Variants in METTL8 observed in about 807,000 individuals in gnomAD.
The protein encoded by METTL8 is methyltransferase 8, tRNA N3-cytidine, also known as tRNA N(3)-cytidine methyltransferase METTL8, mitochondrial.
In METTL8, 32 loss-of-function variants were observed where a neutral mutation model predicts 48.7. The ratio of observed to expected loss-of-function variants is 0.66; its 90% CI spans 0.50 to 0.88. METTL8 has a LOEUF of 0.88. Ranked by LOEUF, METTL8 falls within the 40% of genes least tolerant of loss-of-function variation. The pLI is 0.00. For missense variants in METTL8, 464 were observed against 474.4 expected (o/e 0.98, Z 0.20); for synonymous variants, 136 against 157.1 (o/e 0.87, Z 1.01).
At chr2:171,379,980 A>T (rs187426414) in intron 2 of METTL8, among the ~76,000 whole-genome samples, 133 of 152,322 alleles carry the variant, frequency 8.7e-4, no homozygotes, top group African/African-American at 3.0e-3. Context: ...TCCCTGATGA[A>T]CATTGATGCA....
At chr2:171,339,076 A>G in intron 4 of METTL8, 108 bp downstream of exon 4, 2 of 931,508 alleles carry the variant, frequency 2.1e-6, no homozygotes, top group South Asian at 3.2e-5. Flanking sequence ...GCTTATTTAC[A>G]TTTGATAGTT....
intron 5 of METTL8, among the ~76,000 whole-genome samples, chr2:171,333,740 A>G (rs1407349620): frequency 6.6e-6 from 1 of 152,204 alleles, no homozygotes; most frequent in Non-Finnish European, 1.5e-5. Context: ...TATGTGGCTA[A>G]TGGTTAAGGG....
At chr2:171,376,150 A>G (rs533220784) in intron 2 of METTL8, among the ~76,000 whole-genome samples, 1 of 152,284 alleles carries the variant, frequency 6.6e-6, no homozygotes, top group Admixed American at 6.5e-5. Context: ...ATCTCTTCCA[A>G]CTGGGCTGGT....
chr2:171,430,503 T>A (rs1232020119), intron 1 of METTL8, among the ~76,000 whole-genome samples: 1 of 152,126 alleles, frequency 6.6e-6, no homozygotes, highest in Non-Finnish European at 1.5e-5. Flanking sequence ...AACTGCACGT[T>A]CTACACATGT....
At chr2:171,355,901 A>G (rs1185675400) in intron 3 of METTL8, among the ~76,000 whole-genome samples, 1 of 152,052 alleles carries the variant, frequency 6.6e-6, no homozygotes, top group Non-Finnish European at 1.5e-5. Flanking sequence ...GAATTCCCGG[A>G]ACCCTTGCGC....
intron 3 of METTL8, among the ~76,000 whole-genome samples, chr2:171,345,981 T>C (rs1193125664): frequency 6.6e-6 from 1 of 152,218 alleles, no homozygotes; most frequent in Non-Finnish European, 1.5e-5. Context: ...ATCATTAATC[T>C]GGGCAATCTT....
intron 3 of METTL8, among the ~76,000 whole-genome samples, chr2:171,346,980 G>C (rs1463549601): frequency 6.6e-6 from 1 of 152,122 alleles, no homozygotes; most frequent in African/African-American, 2.4e-5. Context: ...CCACCCTCCG[G>C]GTAGCCTCAG....
At chr2:171,426,561 T>C (rs1279757478) in intron 1 of METTL8, among the ~76,000 whole-genome samples, 1 of 152,230 alleles carries the variant, frequency 6.6e-6, no homozygotes, top group Non-Finnish European at 1.5e-5. Context: ...AAAGGATTGA[T>C]ATTCTTTTGA....
At chr2:171,432,268 G>A (rs995063794) in intron 1 of METTL8, among the ~76,000 whole-genome samples, 2 of 152,100 alleles carry the variant, frequency 1.3e-5, no homozygotes, top group South Asian at 2.1e-4. Flanking sequence ...CAGAAATTAA[G>A]AGACTACTTA....
chr2:171,333,208 C>G (rs892780015), intron 5 of METTL8, among the ~76,000 whole-genome samples: 6 of 151,688 alleles, frequency 4.0e-5, no homozygotes, highest in African/African-American at 1.5e-4. Flanking sequence ...AAGCAATTCT[C>G]CTGCCTCAGC....
intron 2 of METTL8, among the ~76,000 whole-genome samples, chr2:171,364,110 C>T (rs533544756): frequency 5.1e-4 from 78 of 151,838 alleles, no homozygotes; most frequent in African/African-American, 1.6e-3. Flanking sequence ...ACTGCGCGCC[C>T]GGCCAAATTA....
intron 3 of METTL8, among the ~76,000 whole-genome samples, chr2:171,354,249 T>C (rs1193100845): frequency 6.6e-6 from 1 of 152,232 alleles, no homozygotes; most frequent in African/African-American, 2.4e-5. Context: ...AAATTCTGAG[T>C]TGAAAGTTCT....
chr2:171,345,255 A>G (rs1431230859), intron 3 of METTL8, among the ~76,000 whole-genome samples: 2 of 152,222 alleles, frequency 1.3e-5, no homozygotes, highest in African/African-American at 4.8e-5. Context: ...AAATATTCAG[A>G]ATTCATTCTG....
intron 6 of METTL8, among the ~76,000 whole-genome samples, chr2:171,331,223 G>C (rs1471075175): frequency 6.6e-6 from 1 of 152,068 alleles, no homozygotes; most frequent in East Asian, 1.9e-4. Flanking sequence ...CCATTCTCCT[G>C]CCTCAGCCTC....
chr2:171,337,610 G>C, intron 4 of METTL8, 108 bp from the exon 5 acceptor site: 1 of 716,020 alleles, frequency 1.4e-6, no homozygotes, highest in Admixed American at 3.1e-5. Context: ...CTGGATCTCT[G>C]GGCACAGGAT....
intron 2 of METTL8, among the ~76,000 whole-genome samples, chr2:171,367,083 A>T (rs1038474051): frequency 6.6e-6 from 1 of 152,150 alleles, no homozygotes; most frequent in Non-Finnish European, 1.5e-5. Context: ...TTGAAAGCCC[A>T]GAAGTAGAAA....
intron 2 of METTL8, among the ~76,000 whole-genome samples, chr2:171,378,559 G>A (rs1687203494): frequency 6.6e-6 from 1 of 152,144 alleles, no homozygotes; most frequent in Non-Finnish European, 1.5e-5. Flanking sequence ...TTGAACCCGG[G>A]AGGTGGAGGT....
intron 3 of METTL8, among the ~76,000 whole-genome samples, chr2:171,342,980 C>T (rs1214820632): frequency 6.6e-6 from 1 of 151,862 alleles, no homozygotes; most frequent in East Asian, 1.9e-4. Context: ...CAAGATGAGC[C>T]TGGACAACAA....
At chr2:171,430,734 C>G (rs1178122549) in intron 1 of METTL8, among the ~76,000 whole-genome samples, 1 of 152,004 alleles carries the variant, frequency 6.6e-6, no homozygotes, top group Non-Finnish European at 1.5e-5. Context: ...CCCAGTGAAA[C>G]CTGACCTTCA....
Sources: allele counts gnomAD v4.1 joint callset (sites outside exome capture counted in the v4.1 genomes callset), GRCh38; gene constraint gnomAD v4.1.1; transcripts MANE v1.5; gene names NCBI Gene and HGNC (gene_info 2026-07-23, HGNC 2026-07-21).